Variants in FOCAD observed in about 807,000 individuals in gnomAD.
FOCAD encodes the protein focadhesin.
Under a neutral mutation model 225.6 loss-of-function variants are expected in FOCAD, and 198 were observed. The observed-to-expected ratio is 0.88, with a 90% CI of 0.78 to 0.99. The LOEUF (loss-of-function observed/expected upper bound fraction) is 0.99. Ranked by LOEUF, FOCAD falls within the 50% of genes least tolerant of loss-of-function variation. The pLI is 0.00. For missense variants in FOCAD, 2,713 were observed against 2,123.6 expected, an observed-to-expected ratio of 1.28 and a Z score of -5.46; for synonymous variants, 897 against 755.0, an observed-to-expected ratio of 1.19 and a Z score of -3.08.
At chr9:20,957,132 T>C (rs1223709455) in intron 35 of FOCAD, among the ~76,000 whole-genome samples, 6 of 152,194 alleles carry the variant, frequency 3.9e-5, no homozygotes, top group Non-Finnish European at 7.3e-5. Flanking sequence ...GGCACGATCA[T>C]GGCTTACTGC....
intron 2 of FOCAD, among the ~76,000 whole-genome samples, chr9:20,660,289 C>A (rs1172119945): frequency 1.3e-5 from 2 of 152,172 alleles, no homozygotes; most frequent in Admixed American, 6.5e-5. Flanking sequence ...CATATCCTTA[C>A]AATGACCTAT....
chr9:20,887,443 CAG>C (rs1831196228), intron 21 of FOCAD, among the ~76,000 whole-genome samples: 1 of 152,152 alleles, frequency 6.6e-6, no homozygotes, highest in Non-Finnish European at 1.5e-5. Context: ...CCATGTTGGC[CAG>C]GCTGATCTCG....
chr9:20,755,891 C>T (rs561145416), intron 5 of FOCAD, among the ~76,000 whole-genome samples: 201 of 152,128 alleles, frequency 1.3e-3, no homozygotes, highest in African/African-American at 4.7e-3. Flanking sequence ...AATCCCTGGC[C>T]TCCAGCAATT....
chr9:20,798,074 C>G (rs1265166336), intron 11 of FOCAD, among the ~76,000 whole-genome samples: 3 of 152,084 alleles, frequency 2.0e-5, no homozygotes, highest in African/African-American at 7.2e-5. Context: ...TGAATTTTGT[C>G]AAAGGCCTTT....
At chr9:20,774,497 C>T (rs940738649) in intron 8 of FOCAD, among the ~76,000 whole-genome samples, 1 of 152,180 alleles carries the variant, frequency 6.6e-6, no homozygotes, top group Non-Finnish European at 1.5e-5. Flanking sequence ...CCTCCAATAA[C>T]CTACTAGTTG....
At chr9:20,697,487 C>T (rs746590323) in intron 1 of FOCAD, among the ~76,000 whole-genome samples, 2 of 152,252 alleles carry the variant, frequency 1.3e-5, no homozygotes, top group African/African-American at 4.8e-5. Context: ...TGCTGACTTG[C>T]ACTAGCCAAC....
In FOCAD at chr9:20,923,580, C is replaced by T. The variant is rs7044452; in HGVS notation, c.2853-80C>T. ...GAACACAAGTTGCTTTTTGACTTCA[C>T]CTGCCCTCCTATATTAGCTCTTTCT... is the stretch of plus-strand genomic sequence containing the variant. On this transcript the variant is annotated intron_variant, in intron 24 of 43. Transcript: ENST00000338382. 743,243 of 1,049,294 alleles carry T rather than the reference C, an allele frequency of 0.71. 264,694 individuals carry two copies. The highest frequency in any genetic ancestry group is 0.91 in the East Asian group (36,155 of 39,568). 65.0% of individuals were successfully genotyped at this position (1,049,294 alleles called of 1,614,324 possible). A position where few individuals can be genotyped will look rare whatever the true frequency, so the allele number is the denominator to read the frequency against.
intron 4 of FOCAD, among the ~76,000 whole-genome samples, chr9:20,733,022 A>T (rs1222443704): frequency 1.3e-5 from 2 of 152,056 alleles, no homozygotes; most frequent in Non-Finnish European, 2.9e-5. Context: ...TTTTTTGTTG[A>T]TATCCCCTGA....
intron 30 of FOCAD, among the ~76,000 whole-genome samples, chr9:20,947,134 G>T (rs139254213): frequency 6.6e-6 from 1 of 152,158 alleles, no homozygotes; most frequent in Non-Finnish European, 1.5e-5. Context: ...TAAGAGTTAT[G>T]TAAAGTTAGA....
chr9:20,886,284 CT>C (rs1831098966), intron 21 of FOCAD, among the ~76,000 whole-genome samples: 1 of 152,110 alleles, frequency 6.6e-6, no homozygotes, highest in Non-Finnish European at 1.5e-5. Context: ...AAGAGCAACG[CT>C]TTTCTAGGAG....
chr9:20,902,137 T>G (rs73648443), intron 21 of FOCAD, among the ~76,000 whole-genome samples: 60 of 152,042 alleles, frequency 3.9e-4, no homozygotes, highest in African/African-American at 1.4e-3. Context: ...GACACTGTTA[T>G]GGGTACCATG....
chr9:20,738,036 C>T (rs892705899), intron 4 of FOCAD, among the ~76,000 whole-genome samples: 4 of 152,146 alleles, frequency 2.6e-5, no homozygotes, highest in African/African-American at 7.2e-5. Flanking sequence ...CCTTATAGTC[C>T]AGAGTTCTCA....
Position 20,944,640 on chromosome 9 carries a change from T to G in FOCAD, c.3421T>G (p.Leu1141Val). The change falls in exon 29 of 44, where the codon TTG becomes GTG. Residue 1141 changes from leucine (L) to valine (V), a missense_variant. Physicochemically the swap from Leu to Val is conservative, Grantham distance 32. Coordinates refer to ENST00000338382, the MANE Select transcript of FOCAD (RefSeq NM_001375567.1). ...TSLEYNTGCILGVGLVLSLMS... is the reference protein window; with the variant it reads ...TSLEYNTGCIVGVGLVLSLMS... ...TTGGCTTCCAAGCACGGGCTGTATA[T>G]TGGGAGTTGGACTTGTTCTGTCCCT... is the stretch of plus-strand genomic sequence containing the variant. 1 of 1,613,570 alleles carries G rather than the reference T, an allele frequency of 6.2e-7. No individual in the cohort carries two copies. The highest frequency in any genetic ancestry group is 8.5e-7 in the Non-Finnish European group (1 of 1,179,642).
chr9:20,786,169 T>G (rs1819901778), intron 10 of FOCAD, among the ~76,000 whole-genome samples: 1 of 152,200 alleles, frequency 6.6e-6, no homozygotes, highest in African/African-American at 2.4e-5. Context: ...CTTTCTTTGT[T>G]TTTTTGGCAC....
At chr9:20,835,461 T>G (rs1205967857) in intron 15 of FOCAD, among the ~76,000 whole-genome samples, 1 of 152,080 alleles carries the variant, frequency 6.6e-6, no homozygotes, top group Non-Finnish European at 1.5e-5. Flanking sequence ...TAGGAACAAT[T>G]TAAATTTTAC....
intron 21 of FOCAD, among the ~76,000 whole-genome samples, chr9:20,896,259 C>T (rs1047773495): frequency 2.0e-5 from 3 of 151,776 alleles, no homozygotes; most frequent in South Asian, 2.1e-4. Context: ...ATTTAATTTG[C>T]GTATATTTTG....
At chr9:20,753,971 T>A (rs946995453) in intron 5 of FOCAD, among the ~76,000 whole-genome samples, 1 of 152,158 alleles carries the variant, frequency 6.6e-6, no homozygotes, top group African/African-American at 2.4e-5. Context: ...AATAGCTGGT[T>A]TGGGGATAAT....
intron 5 of FOCAD, among the ~76,000 whole-genome samples, chr9:20,744,582 A>C (rs949737478): frequency 6.6e-6 from 1 of 152,210 alleles, no homozygotes; most frequent in Non-Finnish European, 1.5e-5. Flanking sequence ...CTCTGTCTGC[A>C]CATTAGAGCC....
At chr9:20,918,498 C>T (rs1045018882) in intron 24 of FOCAD, among the ~76,000 whole-genome samples, 3 of 151,960 alleles carry the variant, frequency 2.0e-5, no homozygotes, top group African/African-American at 4.8e-5. Flanking sequence ...CTGAGGCGGG[C>T]GGATCACGAG....
Sources: gnomAD v4.1 joint callset for allele counts (sites outside exome capture counted in the v4.1 genomes callset) on GRCh38, gnomAD v4.1.1 for gene constraint, MANE v1.5 for transcripts, NCBI Gene and HGNC (gene_info 2026-07-23, HGNC 2026-07-21) for gene names.